The following KCNQ3 variants were observed in gnomAD, a reference collection of about 807,000 sequenced individuals.
KCNQ3 encodes the protein potassium voltage-gated channel subfamily Q member 3.
KCNQ3 carries 30 observed loss-of-function variants against 92.5 expected under a neutral mutation model. That is an observed-to-expected ratio of 0.32 (90% CI 0.24 to 0.44). KCNQ3 has a LOEUF of 0.44. Among genes scored for constraint, KCNQ3 ranks in the 20% least tolerant of loss-of-function variants. KCNQ3 has a pLI of 1.00. For missense variants in KCNQ3, 913 were observed against 1,140.3 expected (o/e 0.80, Z 2.87); for synonymous variants, 450 against 468.8 (o/e 0.96, Z 0.52).
intron 1 of KCNQ3, among the ~76,000 whole-genome samples, chr8:132,197,820 C>T (rs1355987762): frequency 6.6e-6 from 1 of 152,184 alleles, no homozygotes; most frequent in Non-Finnish European, 1.5e-5. Context: ...GTAATAGGTA[C>T]TACAAAGTGA....
At chr8:132,195,811 A>T (rs1827283556) in intron 1 of KCNQ3, among the ~76,000 whole-genome samples, 1 of 152,222 alleles carries the variant, frequency 6.6e-6, no homozygotes, top group Admixed American at 6.5e-5. Context: ...GACAGTGAAA[A>T]GATAGAAAAT....
intron 1 of KCNQ3, among the ~76,000 whole-genome samples, chr8:132,408,440 G>A (rs1820557163): frequency 6.6e-6 from 1 of 152,134 alleles, no homozygotes. Flanking sequence ...ACCTGATGCT[G>A]TGCCCTGGGG....
intron 1 of KCNQ3, among the ~76,000 whole-genome samples, chr8:132,339,169 C>T (rs1818448417): frequency 6.6e-6 from 1 of 152,192 alleles, no homozygotes; most frequent in South Asian, 2.1e-4. Context: ...AGGCCTGAGG[C>T]ACCTCCTCTG....
chr8:132,409,781 G>A (rs542367981), intron 1 of KCNQ3, among the ~76,000 whole-genome samples: 1 of 152,302 alleles, frequency 6.6e-6, no homozygotes, highest in South Asian at 2.1e-4. Context: ...ATACATCAGG[G>A]GAGACACTGG....
At chr8:132,445,987 T>G (rs1821666627) in intron 1 of KCNQ3, among the ~76,000 whole-genome samples, 1 of 152,188 alleles carries the variant, frequency 6.6e-6, no homozygotes, top group Non-Finnish European at 1.5e-5. Context: ...CCGGGATACC[T>G]TGCACAATGC....
At chr8:132,335,766 G>A (rs11779326) in intron 1 of KCNQ3, among the ~76,000 whole-genome samples, 61,147 of 151,988 alleles carry the variant, frequency 0.4, 12,708 homozygotes, top group East Asian at 0.61. Context: ...GTATGCTGTC[G>A]GGGGAAGGGG....
chr8:132,278,755 A>G (rs557313251), intron 1 of KCNQ3, among the ~76,000 whole-genome samples: 5 of 152,324 alleles, frequency 3.3e-5, no homozygotes, highest in African/African-American at 1.2e-4. Flanking sequence ...GAAGGTTCCT[A>G]TGCACATTCA....
chr8:132,195,981 C>T (rs1240319020), intron 1 of KCNQ3, among the ~76,000 whole-genome samples: 2 of 152,156 alleles, frequency 1.3e-5, no homozygotes, highest in African/African-American at 2.4e-5. Context: ...TAATTATAAA[C>T]ATGTGCATAC....
intron 1 of KCNQ3, among the ~76,000 whole-genome samples, chr8:132,370,313 A>C (rs73708432): frequency 6.9e-6 from 1 of 145,838 alleles, no homozygotes; most frequent in Non-Finnish European, 1.5e-5. Flanking sequence ...TAAATGGATG[A>C]ATGAATGAAT....
intron 1 of KCNQ3, among the ~76,000 whole-genome samples, chr8:132,452,207 C>T (rs60582712): frequency 0.075 from 11,444 of 152,256 alleles, 433 homozygotes; most frequent in Middle Eastern, 0.11. Context: ...TTTCATCCCC[C>T]CAAAATGAAA....
At chr8:132,301,564 G>C in intron 1 of KCNQ3, among the ~76,000 whole-genome samples, 1 of 152,152 alleles carries the variant, frequency 6.6e-6, no homozygotes. Context: ...CTACTAAGTG[G>C]CAACAAGGGT....
chr8:132,306,860 T>C (rs930100335), intron 1 of KCNQ3, among the ~76,000 whole-genome samples: 2 of 152,200 alleles, frequency 1.3e-5, no homozygotes, highest in African/African-American at 4.8e-5. Context: ...AGCATTTTTT[T>C]ATATCTTAAG....
At position 132,432,986 on chromosome 8, in the gene KCNQ3, A is replaced by G. The variant is rs538114843; in HGVS notation, c.386+47161T>C. On this transcript the variant is annotated intron_variant, in intron 1 of 14. Coordinates refer to ENST00000388996, the MANE Select transcript of KCNQ3 (RefSeq NM_004519.4). ...AACGCCAAATTCTGGGTTAGATAAA[A>G]TCACAAATGGTCTTTCCTACATGGT... Among the ~76,000 whole-genome samples the G allele has an allele frequency of 1.8e-4, 27 of 152,330 alleles. 1 individual carries two copies. In the Middle Eastern group the frequency reaches 0.01, roughly 58 times the overall value.
chr8:132,260,209 T>C (rs949489032), intron 1 of KCNQ3, among the ~76,000 whole-genome samples: 5 of 152,306 alleles, frequency 3.3e-5, no homozygotes, highest in Middle Eastern at 3.4e-3. Flanking sequence ...GGGTTTCAAA[T>C]ATAATGAGAA....
At chr8:132,319,784 C>A (rs1177936026) in intron 1 of KCNQ3, among the ~76,000 whole-genome samples, 2 of 152,180 alleles carry the variant, frequency 1.3e-5, no homozygotes, top group Non-Finnish European at 1.5e-5. Flanking sequence ...ATAGTCTGGC[C>A]TGTCAGTGTG....
intron 1 of KCNQ3, among the ~76,000 whole-genome samples, chr8:132,214,989 G>C (rs912229825): frequency 3.9e-5 from 6 of 152,182 alleles, no homozygotes; most frequent in African/African-American, 1.4e-4. Flanking sequence ...CTCCTTTCTG[G>C]GACATGTGAT....
intron 1 of KCNQ3, among the ~76,000 whole-genome samples, chr8:132,274,491 C>T (rs1041353929): frequency 6.6e-6 from 1 of 152,176 alleles, no homozygotes; most frequent in Non-Finnish European, 1.5e-5. Flanking sequence ...TCTTTATATG[C>T]TAAATGAGAA....
intron 1 of KCNQ3, among the ~76,000 whole-genome samples, chr8:132,422,185 C>T (rs188130360): frequency 6.6e-6 from 1 of 152,308 alleles, no homozygotes; most frequent in Non-Finnish European, 1.5e-5. Flanking sequence ...GGAAATGACA[C>T]CACCATCTAA....
At chr8:132,194,609 T>A (rs1481182385) in intron 1 of KCNQ3, among the ~76,000 whole-genome samples, 1 of 152,238 alleles carries the variant, frequency 6.6e-6, no homozygotes, top group African/African-American at 2.4e-5. Context: ...TGATTCGTGA[T>A]GTCTGTCACA....
Sources: gnomAD v4.1 joint callset for allele counts (sites outside exome capture counted in the v4.1 genomes callset) on GRCh38, gnomAD v4.1.1 for gene constraint, MANE v1.5 for transcripts, NCBI Gene and HGNC (gene_info 2026-07-23, HGNC 2026-07-21) for gene names.